TMC7: variants seen among roughly 807,000 people sequenced by gnomAD.
TMC7 encodes the protein transmembrane channel-like protein 7.
Under a neutral mutation model 82.9 loss-of-function variants are expected in TMC7, and 54 were observed. The observed-to-expected ratio is 0.65, with a 90% CI of 0.52 to 0.82. The LOEUF (loss-of-function observed/expected upper bound fraction) is 0.82, where lower values mean the gene tolerates loss of function less well. Ranked by LOEUF, TMC7 falls within the 40% of genes least tolerant of loss-of-function variation. The probability of loss-of-function intolerance (pLI) is 0.00; values close to 1 mark genes in which losing one functional copy is unlikely to be tolerated. For synonymous variants in TMC7, 350 were observed against 337.9 expected (o/e 1.04, Z -0.39); for missense variants, 820 against 901.2 (o/e 0.91, Z 1.15).
intron 2 of TMC7, among the ~76,000 whole-genome samples, chr16:19,015,750 A>G (rs2142193421): frequency 6.6e-6 from 1 of 151,712 alleles, no homozygotes; most frequent in South Asian, 2.1e-4. Context: ...GCTAATTTGT[A>G]TTTTTAGTAG....
At position 19,047,095 on chromosome 16, in the gene TMC7, T is replaced by C. The variant is rs1961308676; in HGVS notation, c.1586T>C (p.Leu529Pro). Residue 529 changes from leucine (L) to proline (P), a missense_variant, in exon 12 of 16, where the codon CTG becomes CCG. Physicochemically the swap from Leu to Pro is moderately conservative, Grantham distance 98. Around this residue, in one of 2 missense-constraint regions of TMC7, gnomAD observed 650 missense variants for 669.9 expected, o/e 0.97. Transcript: ENST00000304381. ...GTGACCTACTGTTCCTCTTGCAAGC[T>C]GATTCAGTGCTGGGGGCAGCAGGAG... is the stretch of plus-strand genomic sequence containing the variant. ...LLVTYCSSCK[L>P]IQCWGQQEFA... 2 of 1,612,748 alleles carry C rather than the reference T, an allele frequency of 1.2e-6. No homozygotes were observed. Among genetic ancestry groups the C allele is most frequent in the African/African-American group, 1.3e-5 (1 of 74,976 alleles).
At chr16:19,045,246 TG>T in intron 10 of TMC7, 94 bp from the exon 11 acceptor site, 1 of 1,037,882 alleles carries the variant, frequency 9.6e-7, no homozygotes, top group Non-Finnish European at 1.5e-6. Context: ...CCACAGGATC[TG>T]GAGTTGGAAA....
chr16:19,040,354 G>T lies in TMC7; in HGVS notation c.1245G>T (p.Thr415=). Residue 415 remains threonine, a synonymous_variant, in exon 9 of 16, where the codon ACG becomes ACT. Transcript: ENST00000304381. Reference sequence around the variant, plus strand: ...TGTATCTACCGTCTATTGTGATCACGCTGGCCAATTTTATCACCCCAATGA... The same window carrying T: ...TGTATCTACCGTCTATTGTGATCACTCTGGCCAATTTTATCACCCCAATGA... ...FILYLPSIVI[T]LANFITPMIF... is the part of the protein sequence containing the mutation. The T allele has an allele frequency of 6.2e-7, 1 of 1,613,800 alleles. No individual in the cohort carries two copies. Among genetic ancestry groups the T allele is most frequent in the Non-Finnish European group, 8.5e-7 (1 of 1,179,958 alleles).
At chr16:19,007,754 A>G (rs1368287952) in intron 1 of TMC7, among the ~76,000 whole-genome samples, 3 of 149,394 alleles carry the variant, frequency 2.0e-5, no homozygotes, top group African/African-American at 7.4e-5. Context: ...CTCTCATATC[A>G]CCTCTGTCCC....
At chr16:19,015,050 G>A (rs998207235) in intron 2 of TMC7, among the ~76,000 whole-genome samples, 2 of 151,534 alleles carry the variant, frequency 1.3e-5, no homozygotes, top group Non-Finnish European at 1.5e-5. Flanking sequence ...TGCAACCTCC[G>A]CCTTCCGGGT....
intron 1 of TMC7, among the ~76,000 whole-genome samples, chr16:18,989,200 A>G (rs886893250): frequency 6.6e-6 from 1 of 152,204 alleles, no homozygotes; most frequent in African/African-American, 2.4e-5. Context: ...CCATTCGTCC[A>G]GGTCATTCAT....
At chr16:19,056,428 G>C in intron 13 of TMC7, 114 bp from the exon 14 acceptor site, 1 of 1,276,174 alleles carries the variant, frequency 7.8e-7, no homozygotes, top group Non-Finnish European at 1.1e-6. Context: ...AGGCCCAGGA[G>C]GTTAGGTGGC....
At chr16:19,034,878 G>A (rs1036903778) in intron 6 of TMC7, among the ~76,000 whole-genome samples, 6 of 152,078 alleles carry the variant, frequency 3.9e-5, no homozygotes, top group Non-Finnish European at 5.9e-5. Flanking sequence ...GAGGAGAGAC[G>A]ACAGCAGAGC....
At chr16:19,028,388 AAAG>A (rs1028429441) in intron 5 of TMC7, among the ~76,000 whole-genome samples, 3 of 152,132 alleles carry the variant, frequency 2.0e-5, no homozygotes, top group African/African-American at 4.8e-5. Flanking sequence ...ATTTAAAAAA[AAAG>A]AAGGAGAAGA....
intron 4 of TMC7, among the ~76,000 whole-genome samples, chr16:19,022,360 A>G (rs1302761279): frequency 6.6e-6 from 1 of 152,260 alleles, no homozygotes; most frequent in Non-Finnish European, 1.5e-5. Context: ...ATATACATAT[A>G]CAGTCATGTA....
intron 7 of TMC7, among the ~76,000 whole-genome samples, chr16:19,037,549 C>G (rs56304509): frequency 0.47 from 70,662 of 149,518 alleles, 19,637 homozygotes; most frequent in East Asian, 0.71. Context: ...TACATCACTG[C>G]AGACTCGAAC....
At chr16:18,991,297 C>G (rs1157411624) in intron 1 of TMC7, among the ~76,000 whole-genome samples, 1 of 152,070 alleles carries the variant, frequency 6.6e-6, no homozygotes, top group African/African-American at 2.4e-5. Context: ...AAGAGAAAAA[C>G]AGGTATTAAA....
At chr16:19,000,361 G>A (rs536959058) in intron 1 of TMC7, among the ~76,000 whole-genome samples, 1 of 152,198 alleles carries the variant, frequency 6.6e-6, no homozygotes, top group South Asian at 2.1e-4. Context: ...CAGCTACTTG[G>A]GAGGCTGAGG....
intron 1 of TMC7, among the ~76,000 whole-genome samples, chr16:18,988,583 A>C (rs1026682515): frequency 2.6e-5 from 4 of 151,276 alleles, no homozygotes; most frequent in South Asian, 4.2e-4. Flanking sequence ...GAGCCACCAT[A>C]CCCAGCCCAA....
chr16:19,062,298 C>T lies in TMC7; in HGVS notation c.*455C>T, dbSNP rs1048316441. On this transcript the variant is annotated 3_prime_UTR_variant, in exon 16 of 16. Coordinates refer to ENST00000304381, the MANE Select transcript of TMC7 (RefSeq NM_024847.4). The stretch of plus-strand genomic sequence containing the variant: ...GTCCACATTTTTTAGGGTTGTTTTC[C>T]TGTGCTTACAATTTTTAATGCATGT... 6.5e-6 allele frequency: 1 copy of T among 154,872 alleles called. No homozygotes were observed. The highest frequency in any genetic ancestry group is 1.4e-5 in the Non-Finnish European group (1 of 69,962). The allele number at this position is 154,872 out of a possible 1,614,324, so 9.6% of individuals were successfully genotyped here.
rs185192206 is a variant in TMC7, at chr16:19,045,014, G to C, written c.1455+13G>C. On this transcript the variant is annotated intron_variant, in intron 10 of 15. Transcript: ENST00000304381. ...GAAACTCTACCCGGTGAGTTGCGGG[G>C]CGGGGGCGTTCGGCTGGGTGGGTCC... 5,246 of 1,605,278 alleles carry C rather than the reference G, an allele frequency of 3.3e-3. 139 individuals are homozygous for C. In the African/African-American group the frequency reaches 0.061, roughly 19 times the overall value.
At position 19,063,173 on chromosome 16, in the gene TMC7, C is replaced by T. The variant is rs1225495385; in HGVS notation, c.*1330C>T. 6.6e-6 allele frequency: 1 copy of T among 152,134 alleles called. No individual in the cohort carries two copies. The highest frequency in any genetic ancestry group is 6.6e-5 in the Admixed American group (1 of 15,260). 9.4% of individuals were successfully genotyped at this position (152,134 alleles called of 1,614,324 possible). On this transcript the variant is annotated 3_prime_UTR_variant, in exon 16 of 16. Coordinates refer to ENST00000304381, the MANE Select transcript of TMC7 (RefSeq NM_024847.4). ...AAATCTAATAACTACAGTCATACCA[C>T]CCTGAAAATGCCTGATCTCGTCTAA...
rs116735631 is a variant in TMC7, at chr16:19,011,053, C to T, written c.311+1638C>T. On this transcript the variant is annotated intron_variant, in intron 2 of 15. Transcript: ENST00000304381. ...GAAGAGCTGTAAAGTCACATGGCCACGAGGCATTCACACATTCATTGAGTA... is the reference window on the plus strand; with the variant it reads ...GAAGAGCTGTAAAGTCACATGGCCATGAGGCATTCACACATTCATTGAGTA... Among the ~76,000 whole-genome samples, 1,304 of 152,212 alleles carry T rather than the reference C, an allele frequency of 8.6e-3. 16 individuals are homozygous for T. Among genetic ancestry groups the T allele is most frequent in the African/African-American group, 0.029 (1,202 of 41,520 alleles).
At chr16:19,037,797 G>T in intron 7 of TMC7, 77 bp from the exon 8 acceptor site, 1 of 1,443,016 alleles carries the variant, frequency 6.9e-7, no homozygotes, top group South Asian at 1.3e-5. Flanking sequence ...TGGATGGGGA[G>T]AGAATGATGA....
Sources: gnomAD v4.1 joint callset for allele counts (sites outside exome capture counted in the v4.1 genomes callset) on GRCh38, gnomAD v4.1.1 for gene constraint, gnomAD v4.1.1 regional missense constraint, MANE v1.5 for transcripts, NCBI Gene and HGNC (gene_info 2026-07-23, HGNC 2026-07-21) for gene names.